The following NFYC variants were observed in gnomAD, a reference collection of about 807,000 sequenced individuals.
NFYC encodes nuclear transcription factor Y subunit gamma, also known as CAAT box DNA-binding protein subunit C.
Under a neutral mutation model 53.1 loss-of-function variants are expected in NFYC, and 25 were observed. The ratio of observed to expected loss-of-function variants is 0.47; its 90% CI spans 0.34 to 0.66. The LOEUF (loss-of-function observed/expected upper bound fraction) is 0.66. Among genes scored for constraint, NFYC ranks in the 30% least tolerant of loss-of-function variants. NFYC has a pLI of 0.01. For synonymous variants in NFYC, 145 were observed against 152.6 expected (o/e 0.95, Z 0.37); for missense variants, 260 against 422.7 (o/e 0.62, Z 3.38).
At chr1:40,753,328 C>A in intron 5 of NFYC, 82 bp downstream of exon 5, 1 of 906,094 alleles carries the variant, frequency 1.1e-6, no homozygotes, top group Non-Finnish European at 1.8e-6. Flanking sequence ...TCTCTCTCAG[C>A]ACAAGTCATT....
intron 6 of NFYC, 60 bp downstream of exon 6, chr1:40,758,354 G>A (rs1008454384): frequency 6.4e-5 from 97 of 1,511,192 alleles, no homozygotes; most frequent in Non-Finnish European, 7.8e-5. Context: ...TTTTTGGATG[G>A]GCAGAGCTTG....
At chr1:40,715,067 G>A (rs1195436137) in intron 1 of NFYC, among the ~76,000 whole-genome samples, 1 of 133,314 alleles carries the variant, frequency 7.5e-6, no homozygotes, top group African/African-American at 3.0e-5. Flanking sequence ...GCAACAAATC[G>A]AGACTCCATG....
chr1:40,760,717 C>CAA (rs397974863), intron 6 of NFYC, among the ~76,000 whole-genome samples: 21 of 133,222 alleles, frequency 1.6e-4, no homozygotes, highest in East Asian at 4.3e-4. Context: ...GAGACTGTCT[C>CAA]AAAAAAAAAA....
chr1:40,758,029 A>T, intron 5 of NFYC, 92 bp from the exon 6 acceptor site: 2 of 1,422,476 alleles, frequency 1.4e-6, no homozygotes, highest in African/African-American at 2.8e-5. Context: ...AGGCAACTGC[A>T]CATAGCCTGT....
In NFYC at chr1:40,771,538, A is replaced by G; in HGVS notation, c.*710A>G. 1 of 440,232 alleles carries G rather than the reference A, an allele frequency of 2.3e-6. No individual in the cohort carries two copies. The allele number at this position is 440,232 out of a possible 1,614,324, so 27.3% of individuals were successfully genotyped here. ...CTTTTATTTTTTAAATGCATTAAAA[A>G]CTGTGCTAGTCTCCTTTGCATGGAC... On this transcript the variant is annotated 3_prime_UTR_variant, in exon 10 of 10. Transcript: ENST00000447388.
rs543434624 is a variant in NFYC, at chr1:40,766,498, G to A, written c.721-98G>A. The A allele has an allele frequency of 7.7e-4, 665 of 858,698 alleles. 1 individual carries two copies. Among genetic ancestry groups the A allele is most frequent in the Non-Finnish European group, 1.1e-3 (632 of 552,334 alleles). The allele number at this position is 858,698 out of a possible 1,614,324, so 53.2% of individuals were successfully genotyped here. A position where few individuals can be genotyped will look rare whatever the true frequency, so the allele number is the denominator to read the frequency against. On this transcript the variant is annotated intron_variant, in intron 7 of 9. Coordinates refer to ENST00000447388, the MANE Select transcript of NFYC (RefSeq NM_014223.5). ...GGGCAGGCTTCTTTGGAGGGCTTGA[G>A]GGGTAGGGGGCAATCAACATCTCTG...
At chr1:40,713,390 A>G (rs1644008005) in intron 1 of NFYC, among the ~76,000 whole-genome samples, 1 of 152,250 alleles carries the variant, frequency 6.6e-6, no homozygotes, top group South Asian at 2.1e-4. Flanking sequence ...AGGGATGTGT[A>G]GGTTTAAAAA....
chr1:40,724,363 G>A (rs1029479554), intron 1 of NFYC, among the ~76,000 whole-genome samples: 2 of 152,082 alleles, frequency 1.3e-5, no homozygotes, highest in Non-Finnish European at 2.9e-5. Context: ...CTGAGGCTCC[G>A]TCTAAAAGTA....
At chr1:40,749,772 CTCCTTTAGGACCAAAGATTG>C (rs1645809192) in intron 4 of NFYC, 86 bp downstream of exon 4, 1 of 1,087,270 alleles carries the variant, frequency 9.2e-7, no homozygotes, top group African/African-American at 1.6e-5. Context: ...AAAGATTGTT[CTCCTTTAGGACCAAAGATTG>C]TTCTCCTTTA....
At chr1:40,734,233 A>C (rs1473226875) in intron 1 of NFYC, among the ~76,000 whole-genome samples, 2 of 152,170 alleles carry the variant, frequency 1.3e-5, no homozygotes, top group East Asian at 3.8e-4. Flanking sequence ...AGATGAACCC[A>C]GAATATTTTC....
At position 40,749,740 on chromosome 1, in the gene NFYC, G is replaced by A. The variant is rs1457135092; in HGVS notation, c.291+54G>A. The A allele has an allele frequency of 2.9e-6, 4 of 1,378,108 alleles. No individual in the cohort carries two copies. The African/African-American group carries it at 5.7e-5, about 20-fold the overall frequency. 85.4% of individuals were successfully genotyped at this position (1,378,108 alleles called of 1,614,324 possible). ...CTGGGGTAAGCAGCAGCCTTTGCCT[G>A]TTTTCCTGCGTGGTGTTGGAGAAAG... On this transcript the variant is annotated intron_variant, in intron 4 of 9. Coordinates refer to ENST00000447388, the MANE Select transcript of NFYC (RefSeq NM_014223.5).
intron 1 of NFYC, among the ~76,000 whole-genome samples, chr1:40,724,173 C>T (rs1644424958): frequency 6.6e-6 from 1 of 152,082 alleles, no homozygotes; most frequent in Non-Finnish European, 1.5e-5. Flanking sequence ...AGTTCAAGAC[C>T]AACCTGGTCA....
At chr1:40,740,938 T>C (rs1198237027) in intron 2 of NFYC, among the ~76,000 whole-genome samples, 1 of 151,734 alleles carries the variant, frequency 6.6e-6, no homozygotes. Flanking sequence ...TTTTTTTTTT[T>C]AGTTGTAGTA....
intron 6 of NFYC, 190 bp downstream of exon 6, chr1:40,758,484 T>TTA: frequency 1.6e-6 from 1 of 615,964 alleles, no homozygotes; most frequent in Non-Finnish European, 2.7e-6. Context: ...CTGGACCCTG[T>TTA]TTTTCTCAAA....
chr1:40,692,678 G>A (rs578153079), intron 1 of NFYC, among the ~76,000 whole-genome samples: 13 of 152,296 alleles, frequency 8.5e-5, no homozygotes, highest in African/African-American at 2.9e-4. Context: ...TTTTGGTGGA[G>A]CCCTGGAGTC....
chr1:40,765,255 G>C (rs1464761156), intron 7 of NFYC, among the ~76,000 whole-genome samples: 2 of 152,190 alleles, frequency 1.3e-5, no homozygotes, highest in Non-Finnish European at 2.9e-5. Flanking sequence ...AATGACTGCA[G>C]GTCCTAATAC....
intron 6 of NFYC, among the ~76,000 whole-genome samples, 190 bp from the exon 7 acceptor site, chr1:40,762,698 T>C (rs1304971034): frequency 6.6e-6 from 1 of 152,198 alleles, no homozygotes; most frequent in Non-Finnish European, 1.5e-5. Flanking sequence ...GGTTTTTCTT[T>C]CGTTTTGGAG....
intron 1 of NFYC, 53 bp downstream of exon 1, chr1:40,691,920 G>C (rs557137471): frequency 2.9e-6 from 1 of 343,408 alleles, no homozygotes; most frequent in East Asian, 1.1e-4. Context: ...AGCGGCGGCG[G>C]GGGGAGGGGC....
intron 4 of NFYC, among the ~76,000 whole-genome samples, chr1:40,751,490 C>T (rs886444660): frequency 6.6e-6 from 1 of 152,098 alleles, no homozygotes; most frequent in East Asian, 1.9e-4. Flanking sequence ...ATTGCAGCCT[C>T]GACCTCCTGG....
Sources: allele counts gnomAD v4.1 joint callset (sites outside exome capture counted in the v4.1 genomes callset), GRCh38; gene constraint gnomAD v4.1.1; transcripts MANE v1.5; gene names NCBI Gene and HGNC (gene_info 2026-07-23, HGNC 2026-07-21).